The following TIMP3 variants were observed in gnomAD, a reference collection of about 807,000 sequenced individuals.
The protein encoded by TIMP3 is metalloproteinase inhibitor 3.
A neutral mutation model predicts 30.0 loss-of-function variants in TIMP3; 11 were observed. That is an observed-to-expected ratio of 0.37 (90% CI 0.23 to 0.61). TIMP3 has a LOEUF of 0.61. Ranked by LOEUF, TIMP3 falls within the 20% of genes least tolerant of loss-of-function variation. TIMP3 has a pLI of 0.70. For synonymous variants in TIMP3, 112 were observed against 111.3 expected (o/e 1.01, Z -0.04); for missense variants, 181 against 276.8 (o/e 0.65, Z 2.45).
In TIMP3 at chr22:32,860,435, G is replaced by A. The variant is rs1174977870; in HGVS notation, c.*1058G>A. 1 of 152,618 alleles carries A rather than the reference G, an allele frequency of 6.6e-6. No individual in the cohort carries two copies. Among genetic ancestry groups the A allele is most frequent in the Non-Finnish European group, 1.5e-5 (1 of 68,044 alleles). 9.5% of individuals were successfully genotyped at this position (152,618 alleles called of 1,614,324 possible). ...TAAGCTAATTTTTTTACAGGACACA[G>A]AATTCTGTTCAATGCTGTTAAATAT... On this transcript the variant is annotated 3_prime_UTR_variant, in exon 5 of 5. Coordinates refer to ENST00000266085, the MANE Select transcript of TIMP3 (RefSeq NM_000362.5).
chr22:32,814,162 G>A (rs8142769), intron 1 of TIMP3, among the ~76,000 whole-genome samples: 1 of 128,040 alleles, frequency 7.8e-6, no homozygotes, highest in African/African-American at 3.1e-5. Context: ...GAGAGAGAGA[G>A]AGAGAAAGAG....
At chr22:32,826,288 G>T (rs185996974) in intron 1 of TIMP3, among the ~76,000 whole-genome samples, 11 of 152,222 alleles carry the variant, frequency 7.2e-5, no homozygotes, top group Admixed American at 7.2e-4. Context: ...AAATTAGCTG[G>T]GTGTGGTGGT....
intron 2 of TIMP3, among the ~76,000 whole-genome samples, chr22:32,849,909 T>C (rs1282691326): frequency 6.6e-6 from 1 of 152,042 alleles, no homozygotes; most frequent in East Asian, 1.9e-4. Context: ...AGATCATCTC[T>C]ATGAACTCTT....
intron 2 of TIMP3, among the ~76,000 whole-genome samples, chr22:32,855,376 T>C (rs949310488): frequency 6.6e-6 from 1 of 152,172 alleles, no homozygotes; most frequent in Non-Finnish European, 1.5e-5. Flanking sequence ...TAAATGGAAA[T>C]AGCATTTGCC....
intron 2 of TIMP3, among the ~76,000 whole-genome samples, chr22:32,851,996 G>A (rs187222351): frequency 2.0e-4 from 31 of 152,214 alleles, no homozygotes; most frequent in Admixed American, 3.9e-4. Flanking sequence ...TATGAACTGG[G>A]GATACAAAGA....
At chr22:32,807,362 AATATATATTATATAT>A (rs1471828656) in intron 1 of TIMP3, among the ~76,000 whole-genome samples, 924 of 4,962 alleles carry the variant, frequency 0.19, 25 homozygotes, top group African/African-American at 0.45. Flanking sequence ...TATAATATAT[AATATATATTATATAT>A]AATATATATT....
chr22:32,836,762 C>A (rs547207401), intron 1 of TIMP3, among the ~76,000 whole-genome samples: 1 of 152,146 alleles, frequency 6.6e-6, no homozygotes, highest in Non-Finnish European at 1.5e-5. Context: ...CACAACCTTA[C>A]AGAATGAAGC....
intron 2 of TIMP3, among the ~76,000 whole-genome samples, chr22:32,851,640 G>GA (rs1280739045): frequency 6.6e-6 from 1 of 152,122 alleles, no homozygotes; most frequent in Non-Finnish European, 1.5e-5. Flanking sequence ...GCGCAAAGGG[G>GA]AAATGACTTA....
intron 1 of TIMP3, among the ~76,000 whole-genome samples, chr22:32,830,904 C>T (rs1045047644): frequency 3.9e-5 from 6 of 152,216 alleles, no homozygotes; most frequent in Non-Finnish European, 8.8e-5. Context: ...ATCTGCTGGC[C>T]TCAGCCTGGA....
At chr22:32,810,859 C>G (rs1291701983) in intron 1 of TIMP3, among the ~76,000 whole-genome samples, 5 of 152,134 alleles carry the variant, frequency 3.3e-5, no homozygotes, top group African/African-American at 9.7e-5. Flanking sequence ...TTGACTTAGA[C>G]TTTATCATCA....
At chr22:32,824,377 G>A (rs981339220) in intron 1 of TIMP3, among the ~76,000 whole-genome samples, 1 of 149,332 alleles carries the variant, frequency 6.7e-6, no homozygotes, top group Non-Finnish European at 1.5e-5. Flanking sequence ...TTGTTGTCAA[G>A]TACCCTCAGG....
At chr22:32,823,644 T>C (rs1378888627) in intron 1 of TIMP3, among the ~76,000 whole-genome samples, 2 of 152,132 alleles carry the variant, frequency 1.3e-5, no homozygotes, top group Non-Finnish European at 2.9e-5. Context: ...TGCAGGTCTC[T>C]GGACAGACAG....
chr22:32,839,436 T>G (rs1601507866), intron 1 of TIMP3, among the ~76,000 whole-genome samples: 1 of 152,094 alleles, frequency 6.6e-6, no homozygotes, highest in East Asian at 1.9e-4. Flanking sequence ...TGGTGAACAC[T>G]TTGAGGTAGT....
intron 2 of TIMP3, among the ~76,000 whole-genome samples, chr22:32,855,681 T>C (rs1032505777): frequency 3.9e-5 from 6 of 152,212 alleles, no homozygotes; most frequent in Admixed American, 6.5e-5. Context: ...GATAATTCTT[T>C]GTTCTGGGGG....
intron 1 of TIMP3, among the ~76,000 whole-genome samples, chr22:32,809,382 T>G (rs2046851181): frequency 6.6e-6 from 1 of 152,168 alleles, no homozygotes; most frequent in African/African-American, 2.4e-5. Context: ...TTATCTTTGG[T>G]TTTCTTCCTC....
At chr22:32,826,444 A>G (rs2047415130) in intron 1 of TIMP3, among the ~76,000 whole-genome samples, 1 of 152,086 alleles carries the variant, frequency 6.6e-6, no homozygotes, top group African/African-American at 2.4e-5. Context: ...AAATAAATAA[A>G]TAAATAAACA....
chr22:32,838,014 C>T (rs750823510), intron 1 of TIMP3, among the ~76,000 whole-genome samples: 22 of 152,324 alleles, frequency 1.4e-4, no homozygotes, highest in Admixed American at 4.6e-4. Context: ...TGTCTCCCTC[C>T]GGCGCCTCCA....
intron 1 of TIMP3, among the ~76,000 whole-genome samples, chr22:32,827,112 A>C (rs2146101353): frequency 6.6e-6 from 1 of 152,278 alleles, no homozygotes; most frequent in South Asian, 2.1e-4. Context: ...CGAGTGAATA[A>C]ATCTCCAGCC....
At chr22:32,807,132 T>C (rs1184258114) in intron 1 of TIMP3, among the ~76,000 whole-genome samples, 1 of 150,388 alleles carries the variant, frequency 6.6e-6, no homozygotes, top group Non-Finnish European at 1.5e-5. Context: ...CCCACCACAT[T>C]GGCAGACTGG....
Sources: allele counts gnomAD v4.1 joint callset (sites outside exome capture counted in the v4.1 genomes callset), GRCh38; gene constraint gnomAD v4.1.1; transcripts MANE v1.5; gene names NCBI Gene and HGNC (gene_info 2026-07-23, HGNC 2026-07-21).